Variants in RIT2 observed in about 807,000 individuals in gnomAD.
RIT2 encodes Ras like without CAAX 2, also known as GTP-binding protein Rit2.
A neutral mutation model predicts 23.7 loss-of-function variants in RIT2; 24 were observed. The observed-to-expected ratio is 1.01, with a 90% CI of 0.73 to 1.43. The LOEUF is 1.43. Ranked by LOEUF, RIT2 falls within the 40% of genes most tolerant of loss-of-function variation. RIT2 has a pLI of 0.00. For missense variants in RIT2, 236 were observed against 266.9 expected (o/e 0.88, Z 0.81); for synonymous variants, 107 against 91.1 (o/e 1.17, Z -0.99).
At chr18:42,747,898 T>A (rs1285223930) in intron 4 of RIT2, among the ~76,000 whole-genome samples, 1 of 151,998 alleles carries the variant, frequency 6.6e-6, no homozygotes, top group African/African-American at 2.4e-5. Context: ...TCAAGATGGA[T>A]AAAGGACTTA....
chr18:42,961,814 G>A (rs745445600), intron 3 of RIT2, among the ~76,000 whole-genome samples: 1 of 152,100 alleles, frequency 6.6e-6, no homozygotes, highest in South Asian at 2.1e-4. Flanking sequence ...GAGTCATCTG[G>A]CATTCTAACA....
intron 1 of RIT2, among the ~76,000 whole-genome samples, chr18:43,067,808 A>G (rs1482242772): frequency 6.6e-6 from 1 of 151,142 alleles, no homozygotes; most frequent in Non-Finnish European, 1.5e-5. Context: ...GGTATGTCTG[A>G]CCCCTTGTTA....
rs185195829 is a variant in RIT2, at chr18:42,849,287, C to A, written c.426+74285G>T. ...AGACCACAACAATCTCTATTATATA[C>A]CACCTAAATCTCGTCATACATGTTG... is the stretch of plus-strand genomic sequence containing the variant. On this transcript the variant is annotated intron_variant, in intron 4 of 4. Coordinates refer to ENST00000326695, the MANE Select transcript of RIT2 (RefSeq NM_002930.4). Among the ~76,000 whole-genome samples, 14 of 152,292 alleles carry A rather than the reference C, an allele frequency of 9.2e-5. 1 individual carries two copies. In the South Asian group the frequency reaches 2.5e-3, roughly 27 times the overall value.
At chr18:42,865,799 C>A (rs2144055732) in intron 4 of RIT2, among the ~76,000 whole-genome samples, 1 of 152,270 alleles carries the variant, frequency 6.6e-6, no homozygotes, top group East Asian at 1.9e-4. Flanking sequence ...CCCCATGAAA[C>A]TACAATATAC....
At chr18:43,111,401 C>T (rs1364348713) in intron 1 of RIT2, among the ~76,000 whole-genome samples, 2 of 151,828 alleles carry the variant, frequency 1.3e-5, no homozygotes, top group Non-Finnish European at 2.9e-5. Context: ...GGGTCATTAT[C>T]ATCACAAATA....
At chr18:42,981,662 A>G (rs889153072) in intron 2 of RIT2, among the ~76,000 whole-genome samples, 5 of 150,886 alleles carry the variant, frequency 3.3e-5, no homozygotes, top group Admixed American at 2.0e-4. Flanking sequence ...AGAATTCTGG[A>G]AAAAAAAATT....
chr18:42,955,166 C>A (rs1472929707), intron 3 of RIT2, among the ~76,000 whole-genome samples: 1 of 152,110 alleles, frequency 6.6e-6, no homozygotes, highest in Admixed American at 6.6e-5. Flanking sequence ...TGTTTCAAAA[C>A]AGTCACCACA....
At chr18:42,900,061 A>C (rs1908434401) in intron 4 of RIT2, among the ~76,000 whole-genome samples, 2 of 152,056 alleles carry the variant, frequency 1.3e-5, no homozygotes, top group South Asian at 4.1e-4. Context: ...TTAATTATTA[A>C]CCTCCAGTAA....
chr18:42,762,841 C>T (rs931571234), intron 4 of RIT2, among the ~76,000 whole-genome samples: 4 of 152,142 alleles, frequency 2.6e-5, no homozygotes, highest in Non-Finnish European at 4.4e-5. Context: ...CTAGTACACC[C>T]TCCATAAATA....
At chr18:42,990,404 C>A (rs960821352) in intron 2 of RIT2, among the ~76,000 whole-genome samples, 1 of 152,124 alleles carries the variant, frequency 6.6e-6, no homozygotes, top group Admixed American at 6.6e-5. Flanking sequence ...TAACGGCTGA[C>A]CAAATGCCTA....
intron 2 of RIT2, among the ~76,000 whole-genome samples, chr18:42,987,721 G>C (rs1910744058): frequency 6.6e-6 from 1 of 152,142 alleles, no homozygotes; most frequent in Non-Finnish European, 1.5e-5. Flanking sequence ...AAAGAAAAGA[G>C]GTTTATTTGG....
chr18:42,844,003 A>G (rs914361613), intron 4 of RIT2, among the ~76,000 whole-genome samples: 1 of 152,240 alleles, frequency 6.6e-6, no homozygotes, highest in Non-Finnish European at 1.5e-5. Flanking sequence ...ATTGATAATT[A>G]AAGTGATGCA....
chr18:43,034,141 T>C (rs914875351), intron 1 of RIT2, among the ~76,000 whole-genome samples: 1 of 152,152 alleles, frequency 6.6e-6, no homozygotes, highest in East Asian at 1.9e-4. Flanking sequence ...AAAGAAGCTC[T>C]TGACATAATG....
chr18:42,757,268 G>C (rs533694358), intron 4 of RIT2, among the ~76,000 whole-genome samples: 45 of 152,272 alleles, frequency 3.0e-4, no homozygotes, highest in African/African-American at 1.1e-3. Flanking sequence ...CAAAATGCTT[G>C]ATTACATATG....
intron 4 of RIT2, among the ~76,000 whole-genome samples, chr18:42,756,631 A>G (rs1913169982): frequency 6.6e-6 from 1 of 152,206 alleles, no homozygotes; most frequent in African/African-American, 2.4e-5. Context: ...TACGTGCAAT[A>G]TATATAAATG....
intron 1 of RIT2, among the ~76,000 whole-genome samples, chr18:43,067,548 C>T (rs1912799622): frequency 6.6e-6 from 1 of 152,078 alleles, no homozygotes; most frequent in Non-Finnish European, 1.5e-5. Flanking sequence ...TCAGGGGCTT[C>T]TTGTTTATAA....
intron 4 of RIT2, among the ~76,000 whole-genome samples, chr18:42,778,131 G>A (rs1913718162): frequency 7.9e-6 from 1 of 126,404 alleles, no homozygotes; most frequent in African/African-American, 3.0e-5. Context: ...GCACAGAGTA[G>A]GACTGATCTA....
intron 2 of RIT2, among the ~76,000 whole-genome samples, chr18:42,977,906 C>T (rs991262824): frequency 4.7e-5 from 7 of 150,476 alleles, no homozygotes; most frequent in Non-Finnish European, 8.9e-5. Flanking sequence ...TTTTCTATTC[C>T]ACTGCTCTTT....
At chr18:43,054,260 G>C (rs947543934) in intron 1 of RIT2, among the ~76,000 whole-genome samples, 4 of 152,048 alleles carry the variant, frequency 2.6e-5, no homozygotes, top group African/African-American at 7.2e-5. Flanking sequence ...ACAGGATTAT[G>C]ATGGTCCCCA....
Sources: gnomAD v4.1 joint callset for allele counts (sites outside exome capture counted in the v4.1 genomes callset) on GRCh38, gnomAD v4.1.1 for gene constraint, MANE v1.5 for transcripts, NCBI Gene and HGNC (gene_info 2026-07-23, HGNC 2026-07-21) for gene names.